The following CNIH3 variants were observed in gnomAD, a reference collection of about 807,000 sequenced individuals.
The protein encoded by CNIH3 is protein cornichon homolog 3.
Under a neutral mutation model 24.1 loss-of-function variants are expected in CNIH3, and 14 were observed. The observed-to-expected ratio is 0.58, with a 90% CI of 0.38 to 0.91. The LOEUF (loss-of-function observed/expected upper bound fraction) is 0.91, where lower values mean the gene tolerates loss of function less well. Among genes scored for constraint, CNIH3 ranks in the 40% least tolerant of loss-of-function variants. The pLI is 0.00. For synonymous variants in CNIH3, 68 were observed against 73.8 expected, an observed-to-expected ratio of 0.92 and a Z score of 0.40; for missense variants, 178 against 196.8, an observed-to-expected ratio of 0.90 and a Z score of 0.57.
At position 224,545,135 on chromosome 1, in the gene CNIH3, T is replaced by C. The variant is rs28637399; in HGVS notation, n.340-1694T>C. 3.9e-3 allele frequency among the ~76,000 whole-genome samples: 589 copies of C among 152,376 alleles called. 16 individuals are homozygous for C. The East Asian group carries it at 0.061, about 16-fold the overall frequency. ...TACAGTTTGTGATTGCATATTGCAA[T>C]GTATATGTACAAACGTATGTGTGTA... On this transcript the variant is annotated intron_variant and non_coding_transcript_variant, in intron 2 of 5. Transcript: ENST00000471578.
chr1:224,708,908 TA>T (rs1687976620), intron 3 of CNIH3, among the ~76,000 whole-genome samples: 1 of 152,198 alleles, frequency 6.6e-6, no homozygotes, highest in Non-Finnish European at 1.5e-5. Flanking sequence ...TTTAATATTT[TA>T]GGAACCTGAA....
chr1:224,632,079 C>A (rs577536011), intron 1 of CNIH3, among the ~76,000 whole-genome samples: 1 of 152,260 alleles, frequency 6.6e-6, no homozygotes, highest in African/African-American at 2.4e-5. Context: ...GGAGATAGGA[C>A]TTGGGAGGTC....
At chr1:224,550,500 GA>G (rs889455207) in intron 3 of CNIH3, among the ~76,000 whole-genome samples, 2 of 152,028 alleles carry the variant, frequency 1.3e-5, no homozygotes, top group African/African-American at 4.8e-5. Flanking sequence ...GGATATTATA[GA>G]AATATGAGAG....
At chr1:224,722,836 C>T (rs1344245015) in intron 3 of CNIH3, among the ~76,000 whole-genome samples, 1 of 152,222 alleles carries the variant, frequency 6.6e-6, no homozygotes, top group Non-Finnish European at 1.5e-5. Flanking sequence ...AGTCAGTCAC[C>T]TCCTGCCTTG....
intron 4 of CNIH3, among the ~76,000 whole-genome samples, chr1:224,580,580 C>A (rs765454218): frequency 6.6e-6 from 1 of 151,962 alleles, no homozygotes; most frequent in Non-Finnish European, 1.5e-5. Context: ...GTAATCCCAG[C>A]ACTTTTGGGA....
At chr1:224,720,023 A>C (rs1206947707) in intron 3 of CNIH3, among the ~76,000 whole-genome samples, 1 of 152,124 alleles carries the variant, frequency 6.6e-6, no homozygotes, top group African/African-American at 2.4e-5. Flanking sequence ...TCTTGCAGTT[A>C]GGGCTCTGGG....
At chr1:224,588,347 C>T (rs996655040) in intron 5 of CNIH3, 3 of 152,146 alleles carry the variant, frequency 2.0e-5, no homozygotes, top group Non-Finnish European at 4.4e-5. Context: ...TAAAGGCTGT[C>T]TGGATTTTCT....
At chr1:224,600,883 T>G (rs1682178469) in intron 3 of CNIH3, among the ~76,000 whole-genome samples, 1 of 152,190 alleles carries the variant, frequency 6.6e-6, no homozygotes, top group Non-Finnish European at 1.5e-5. Context: ...TCCCCATGTG[T>G]GCACAGAAGA....
At chr1:224,451,139 CAA>C (rs1675381026) in intron 1 of CNIH3, among the ~76,000 whole-genome samples, 1 of 152,164 alleles carries the variant, frequency 6.6e-6, no homozygotes, top group African/African-American at 2.4e-5. Context: ...GGTTATGTAA[CAA>C]GAGCTGTTCC....
intron 1 of CNIH3, among the ~76,000 whole-genome samples, chr1:224,633,499 A>G (rs1683931794): frequency 6.6e-6 from 1 of 152,202 alleles, no homozygotes. Flanking sequence ...TCGTAACCAA[A>G]AAAGGAATTT....
At chr1:224,533,119 T>C (rs1212807460) in intron 2 of CNIH3, among the ~76,000 whole-genome samples, 1 of 152,076 alleles carries the variant, frequency 6.6e-6, no homozygotes, top group East Asian at 1.9e-4. Context: ...TAGACTTTGT[T>C]GATTTGTGGA....
intron 1 of CNIH3, among the ~76,000 whole-genome samples, chr1:224,495,697 T>G (rs1044559899): frequency 1.1e-4 from 17 of 152,262 alleles, no homozygotes; most frequent in South Asian, 4.1e-4. Context: ...CCAGGAGGAA[T>G]GGGCATTCAC....
At chr1:224,724,735 A>C in intron 3 of CNIH3, among the ~76,000 whole-genome samples, 1 of 152,202 alleles carries the variant, frequency 6.6e-6, no homozygotes, top group East Asian at 1.9e-4. Flanking sequence ...CTGTTGAAAC[A>C]GCCCTTGGTT....
intron 3 of CNIH3, among the ~76,000 whole-genome samples, chr1:224,686,310 T>C (rs1686658021): frequency 6.6e-6 from 1 of 152,110 alleles, no homozygotes; most frequent in Non-Finnish European, 1.5e-5. Context: ...TCCAGCTTCA[T>C]CCATGTCCCT....
Position 224,617,093 on chromosome 1 carries a change from T to G in CNIH3, c.-82T>G. 2 of 1,571,516 alleles carry G rather than the reference T, an allele frequency of 1.3e-6. No homozygotes were observed. Among genetic ancestry groups the G allele is most frequent in the Non-Finnish European group, 8.6e-7 (1 of 1,162,354 alleles). On this transcript the variant is annotated 5_prime_UTR_variant, in exon 1 of 6. Transcript: ENST00000272133. ...AGAGGAGCGTGCAGACGCGGCTCCTTGGAGGGAGTGCGGTCCTCTAGGGAG... is the reference window on the plus strand; with the variant it reads ...AGAGGAGCGTGCAGACGCGGCTCCTGGGAGGGAGTGCGGTCCTCTAGGGAG...
At chr1:224,698,010 G>A (rs767763671) in intron 3 of CNIH3, among the ~76,000 whole-genome samples, 1 of 152,210 alleles carries the variant, frequency 6.6e-6, no homozygotes, top group Non-Finnish European at 1.5e-5. Flanking sequence ...GCATTGCCGA[G>A]TTATCATGCT....
intron 1 of CNIH3, among the ~76,000 whole-genome samples, chr1:224,506,317 T>C (rs1677916908): frequency 6.6e-6 from 1 of 151,102 alleles, no homozygotes; most frequent in African/African-American, 2.4e-5. Context: ...TCACTCCTCT[T>C]TGTCCCAGAA....
At chr1:224,473,148 T>C (rs1676433251) in intron 1 of CNIH3, among the ~76,000 whole-genome samples, 1 of 152,146 alleles carries the variant, frequency 6.6e-6, no homozygotes, top group Non-Finnish European at 1.5e-5. Flanking sequence ...TTTGCAAGCC[T>C]CATGGTAACC....
intron 4 of CNIH3, chr1:224,575,184 C>A (rs1572507348): frequency 1.8e-6 from 2 of 1,138,586 alleles, no homozygotes; most frequent in African/African-American, 1.5e-5. Flanking sequence ...AGCCCAGGTT[C>A]TGATCTGGTT....
Sources: allele counts gnomAD v4.1 joint callset (sites outside exome capture counted in the v4.1 genomes callset), GRCh38; gene constraint gnomAD v4.1.1; transcripts MANE v1.5; gene names NCBI Gene and HGNC (gene_info 2026-07-23, HGNC 2026-07-21).